SPTLC3: variants seen among roughly 807,000 people sequenced by gnomAD.
SPTLC3 encodes the protein serine palmitoyltransferase long chain base subunit 3.
A neutral mutation model predicts 59.3 loss-of-function variants in SPTLC3; 36 were observed. That is an observed-to-expected ratio of 0.61 (90% confidence interval 0.47 to 0.80). The LOEUF (loss-of-function observed/expected upper bound fraction) is 0.80. SPTLC3 is among the 30% of genes least tolerant of loss of function. SPTLC3 has a pLI of 0.00. For missense variants in SPTLC3, 625 were observed against 685.1 expected, an observed-to-expected ratio of 0.91 and a Z score of 0.98; for synonymous variants, 257 against 240.8, an observed-to-expected ratio of 1.07 and a Z score of -0.62.
intron 1 of SPTLC3, among the ~76,000 whole-genome samples, chr20:13,010,842 T>A (rs1985202892): frequency 6.6e-6 from 1 of 152,198 alleles, no homozygotes; most frequent in Non-Finnish European, 1.5e-5. Flanking sequence ...TTTATCTTGG[T>A]TTTATAATCA....
At chr20:13,072,709 C>T (rs938731603) in intron 3 of SPTLC3, among the ~76,000 whole-genome samples, 16 of 152,296 alleles carry the variant, frequency 1.1e-4, no homozygotes, top group African/African-American at 3.6e-4. Flanking sequence ...TACTCTCCTA[C>T]TTACAGCTGA....
chr20:13,022,052 T>C (rs1035718466), intron 1 of SPTLC3, among the ~76,000 whole-genome samples: 1 of 152,200 alleles, frequency 6.6e-6, no homozygotes, highest in African/African-American at 2.4e-5. Context: ...ACTTAATATG[T>C]ACCAAACTGT....
chr20:13,114,626 T>A (rs1171070887), intron 7 of SPTLC3, among the ~76,000 whole-genome samples: 1 of 152,230 alleles, frequency 6.6e-6, no homozygotes, highest in Non-Finnish European at 1.5e-5. Context: ...GATTGAGAAC[T>A]TCAGTGGTAA....
At chr20:13,086,070 T>G (rs1243568288) in intron 4 of SPTLC3, among the ~76,000 whole-genome samples, 5 of 152,328 alleles carry the variant, frequency 3.3e-5, no homozygotes, top group Non-Finnish European at 7.3e-5. Flanking sequence ...AATTGTGGAT[T>G]TATTTATACC....
intron 1 of SPTLC3, among the ~76,000 whole-genome samples, chr20:13,011,885 C>T (rs980109794): frequency 2.0e-5 from 3 of 152,078 alleles, no homozygotes; most frequent in African/African-American, 7.2e-5. Context: ...GATTTGTTCT[C>T]CCTCTTCATG....
chr20:13,072,451 C>T (rs1360459774), intron 3 of SPTLC3, 41 bp downstream of exon 3: 1 of 1,504,250 alleles, frequency 6.6e-7, no homozygotes, highest in Non-Finnish European at 8.9e-7. Flanking sequence ...AAAGAAAAAC[C>T]TTTCAAGGAA....
intron 1 of SPTLC3, among the ~76,000 whole-genome samples, chr20:13,021,868 A>G (rs1308444982): frequency 2.0e-5 from 3 of 152,198 alleles, no homozygotes; most frequent in Non-Finnish European, 4.4e-5. Context: ...CTAACACATC[A>G]TGATAGATAG....
intron 9 of SPTLC3, among the ~76,000 whole-genome samples, chr20:13,137,724 T>A (rs1467194333): frequency 6.6e-6 from 1 of 152,220 alleles, no homozygotes; most frequent in Non-Finnish European, 1.5e-5. Context: ...GATTAAATTG[T>A]TCTTATCCTC....
intron 9 of SPTLC3, among the ~76,000 whole-genome samples, chr20:13,145,207 G>T (rs2038481619): frequency 1.3e-5 from 2 of 152,164 alleles, no homozygotes; most frequent in African/African-American, 4.8e-5. Context: ...AACTATCTCT[G>T]CAGACAACAT....
intron 1 of SPTLC3, among the ~76,000 whole-genome samples, chr20:13,036,299 C>T (rs1986732166): frequency 6.6e-6 from 1 of 151,964 alleles, no homozygotes; most frequent in South Asian, 2.1e-4. Context: ...CTTTCCACCT[C>T]ATCCACCTCT....
chr20:13,103,133 G>T (rs6109699), intron 6 of SPTLC3, among the ~76,000 whole-genome samples: 1 of 152,080 alleles, frequency 6.6e-6, no homozygotes, highest in African/African-American at 2.4e-5. Context: ...AAACTTAAAG[G>T]CACCAGATTT....
intron 9 of SPTLC3, among the ~76,000 whole-genome samples, chr20:13,148,281 G>T (rs1388078765): frequency 6.6e-6 from 1 of 152,178 alleles, no homozygotes; most frequent in African/African-American, 2.4e-5. Flanking sequence ...CAGCATTGGA[G>T]GGGAGGTTAA....
chr20:13,044,228 G>T (rs1252016808), intron 1 of SPTLC3, among the ~76,000 whole-genome samples: 1 of 151,698 alleles, frequency 6.6e-6, no homozygotes, highest in Non-Finnish European at 1.5e-5. Flanking sequence ...AGCCTCCTGA[G>T]TAGCTGGGAT....
intron 9 of SPTLC3, among the ~76,000 whole-genome samples, chr20:13,148,249 G>T (rs1366467766): frequency 6.8e-6 from 1 of 146,008 alleles, no homozygotes; most frequent in Non-Finnish European, 1.6e-5. Context: ...TTCTTCCCCT[G>T]ACCCAGCTGG....
At position 13,166,441 on chromosome 20, in the gene SPTLC3, A is replaced by C. The variant is rs11547796; in HGVS notation, c.*1574A>C. ...ATGATAGAGTTCTTCATGAATGTTT[A>C]CAAGTTGTAAGGAATACCGTTAGTG... On this transcript the variant is annotated 3_prime_UTR_variant, in exon 12 of 12. Transcript: ENST00000399002. The C allele has an allele frequency of 0.14, 21,916 of 152,230 alleles. 1,629 individuals are homozygous for C. The highest frequency in any genetic ancestry group is 0.21 in the East Asian group (1,067 of 5,180). The allele number at this position is 152,230 out of a possible 1,614,324, so 9.4% of individuals were successfully genotyped here.
intron 1 of SPTLC3, among the ~76,000 whole-genome samples, chr20:13,039,966 A>G (rs1986901982): frequency 6.6e-6 from 1 of 151,980 alleles, no homozygotes; most frequent in Non-Finnish European, 1.5e-5. Flanking sequence ...CAATCTTATA[A>G]ATACTATGTT....
intron 2 of SPTLC3, among the ~76,000 whole-genome samples, chr20:13,054,661 A>G (rs1307124426): frequency 6.6e-6 from 1 of 152,226 alleles, no homozygotes; most frequent in Non-Finnish European, 1.5e-5. Context: ...TGGGTAATAG[A>G]GAAGCAAGAT....
chr20:13,110,288 C>A, intron 7 of SPTLC3, 71 bp downstream of exon 7: 3 of 1,259,536 alleles, frequency 2.4e-6, no homozygotes, highest in Non-Finnish European at 3.4e-6. Flanking sequence ...GAAAGGCTCA[C>A]CTTTCCTAGC....
At chr20:13,099,198 G>A (rs2122648618) in intron 6 of SPTLC3, among the ~76,000 whole-genome samples, 1 of 152,256 alleles carries the variant, frequency 6.6e-6, no homozygotes, top group East Asian at 1.9e-4. Flanking sequence ...GTGAGGATCA[G>A]GGCAATGCAA....
Sources: gnomAD v4.1 joint callset for allele counts (sites outside exome capture counted in the v4.1 genomes callset) on GRCh38, gnomAD v4.1.1 for gene constraint, MANE v1.5 for transcripts, NCBI Gene and HGNC (gene_info 2026-07-23, HGNC 2026-07-21) for gene names.